Variants in VPS45 observed in about 807,000 individuals in gnomAD.
VPS45 encodes the protein vacuolar protein sorting 45 homolog.
In VPS45, 35 loss-of-function variants were observed where a neutral mutation model predicts 75.9. The ratio of observed to expected loss-of-function variants is 0.46; its 90% CI spans 0.35 to 0.61. The LOEUF (loss-of-function observed/expected upper bound fraction) is 0.61, where lower values mean the gene tolerates loss of function less well. VPS45 is among the 20% of genes least tolerant of loss of function. The probability of loss-of-function intolerance (pLI) is 0.00; values close to 1 mark genes in which losing one functional copy is unlikely to be tolerated. For missense variants in VPS45, 559 were observed against 685.9 expected (o/e 0.81, Z 2.07); for synonymous variants, 220 against 238.2 (o/e 0.92, Z 0.70).
At chr1:150,078,089 G>A (rs1282788287) in intron 7 of VPS45, among the ~76,000 whole-genome samples, 1 of 152,092 alleles carries the variant, frequency 6.6e-6, no homozygotes, top group Non-Finnish European at 1.5e-5. Flanking sequence ...TACAGCCATT[G>A]CCTTGGTCTA....
At position 150,092,302 on chromosome 1, in the gene VPS45, C is replaced by G. The variant is rs782800718; in HGVS notation, c.1264C>G (p.Leu422Val). The G allele has an allele frequency of 6.2e-7, 1 of 1,613,466 alleles. No individual in the cohort carries two copies. The highest frequency in any genetic ancestry group is 8.5e-7 in the Non-Finnish European group (1 of 1,179,628). ...NKGVSEKYRK[L>V]VSAVVEYGGK... is the part of the protein sequence containing the mutation. ...AAAATTTGCTTCTCTTTCTTAATAGCTCGTGTCTGCAGTTGTTGAATATGG... is the reference window on the plus strand; with the variant it reads ...AAAATTTGCTTCTCTTTCTTAATAGGTCGTGTCTGCAGTTGTTGAATATGG... The change falls in exon 12 of 15, where the codon CTC (leucine) becomes GTC (valine). Residue 422 changes from leucine (L) to valine (V), a missense_variant and splice_region_variant. By Grantham distance (32) the Leu-to-Val change is conservative (BLOSUM62 1). Coordinates refer to ENST00000644510, the MANE Select transcript of VPS45 (RefSeq NM_007259.5).
intron 9 of VPS45, 30 bp downstream of exon 9, chr1:150,082,027 C>T: frequency 7.1e-7 from 1 of 1,410,572 alleles, no homozygotes; most frequent in South Asian, 1.2e-5. Context: ...GAATGACAAA[C>T]ATGTGACAGT....
chr1:150,118,414 TG>T (rs1249084398), intron 14 of VPS45, among the ~76,000 whole-genome samples: 2 of 152,028 alleles, frequency 1.3e-5, no homozygotes, highest in African/African-American at 4.8e-5. Flanking sequence ...AATGACCTTT[TG>T]TTTTTTTGGG....
intron 13 of VPS45, 152 bp from the exon 14 acceptor site, chr1:150,110,344 T>A (rs1657576791): frequency 1.4e-6 from 1 of 705,564 alleles, no homozygotes; most frequent in Non-Finnish European, 2.2e-6. Context: ...TTTCAGATAA[T>A]TGAAACTTTT....
intron 14 of VPS45, among the ~76,000 whole-genome samples, chr1:150,120,149 C>T (rs1414397644): frequency 6.6e-6 from 1 of 152,098 alleles, no homozygotes; most frequent in South Asian, 2.1e-4. Context: ...CAGATTTATT[C>T]TGCATGCAAA....
chr1:150,144,926 C>G lies in VPS45; in HGVS notation c.*130C>G. 6.5e-7 allele frequency: 1 copy of G among 1,546,344 alleles called. No individual in the cohort carries two copies. The highest frequency in any genetic ancestry group is 8.7e-7 in the Non-Finnish European group (1 of 1,150,358). ...TTAGAACTCATCTCCAGGTAGCCCA[C>G]GGATACGTGGTTGGCACAGACACAA... On this transcript the variant is annotated 3_prime_UTR_variant, in exon 15 of 15. Transcript: ENST00000644510.
At chr1:150,090,832 C>T (rs1018075711) in intron 10 of VPS45, among the ~76,000 whole-genome samples, 1 of 152,216 alleles carries the variant, frequency 6.6e-6, no homozygotes, top group Non-Finnish European at 1.5e-5. Context: ...CTTTTTTACA[C>T]AGTGCAATAT....
intron 2 of VPS45, 53 bp downstream of exon 2, chr1:150,068,817 T>G: frequency 6.8e-7 from 1 of 1,461,896 alleles, no homozygotes. Context: ...AACACTCTGA[T>G]CTGAAAGCAT....
intron 13 of VPS45, among the ~76,000 whole-genome samples, chr1:150,096,300 C>A (rs587617896): frequency 6.6e-6 from 1 of 152,170 alleles, no homozygotes; most frequent in African/African-American, 2.4e-5. Context: ...TGGATCATGA[C>A]AAAGGTATTG....
At chr1:150,092,702 T>C (rs1280035336) in intron 12 of VPS45, 1 of 208,854 alleles carries the variant, frequency 4.8e-6, no homozygotes, top group Non-Finnish European at 9.4e-6. Flanking sequence ...TTTTACACCA[T>C]TTGTTTATAA....
At chr1:150,129,344 T>TA (rs1301891673) in intron 14 of VPS45, among the ~76,000 whole-genome samples, 1 of 151,980 alleles carries the variant, frequency 6.6e-6, no homozygotes, top group Non-Finnish European at 1.5e-5. Flanking sequence ...ATTTTTTAAT[T>TA]AAAAAAATAG....
chr1:150,101,958 T>C (rs1553804475), intron 13 of VPS45, among the ~76,000 whole-genome samples: 1 of 151,954 alleles, frequency 6.6e-6, no homozygotes, highest in Non-Finnish European at 1.5e-5. Flanking sequence ...CACATGCAGC[T>C]GGACACGGTG....
At chr1:150,081,851 G>A (rs1655732559) in intron 8 of VPS45, 33 bp from the exon 9 acceptor site, 1 of 1,353,126 alleles carries the variant, frequency 7.4e-7, no homozygotes, top group Admixed American at 1.9e-5. Context: ...CAGACTAGTT[G>A]ATGAAGTGTG....
chr1:150,089,358 A>T (rs934432481), intron 10 of VPS45, among the ~76,000 whole-genome samples: 17 of 152,048 alleles, frequency 1.1e-4, no homozygotes, highest in African/African-American at 3.1e-4. Context: ...AAAATTTTTT[A>T]AAATTTTTAT....
At chr1:150,111,437 C>T (rs1482590403) in intron 14 of VPS45, among the ~76,000 whole-genome samples, 2 of 152,118 alleles carry the variant, frequency 1.3e-5, no homozygotes, top group African/African-American at 4.8e-5. Context: ...TGTGGAAGGC[C>T]TTGAGTGCCA....
At chr1:150,089,915 T>C (rs375663257) in intron 10 of VPS45, among the ~76,000 whole-genome samples, 1 of 152,112 alleles carries the variant, frequency 6.6e-6, no homozygotes, top group African/African-American at 2.4e-5. Flanking sequence ...AGGATGATGG[T>C]AGTGAAATAG....
intron 10 of VPS45, among the ~76,000 whole-genome samples, chr1:150,089,541 T>C (rs981037884): frequency 6.6e-6 from 1 of 152,040 alleles, no homozygotes; most frequent in East Asian, 1.9e-4. Flanking sequence ...TTTGTATTTT[T>C]AGTAGAGAGG....
intron 4 of VPS45, 65 bp downstream of exon 4, chr1:150,076,377 A>C (rs1210325545): frequency 1.1e-5 from 15 of 1,352,874 alleles, no homozygotes; most frequent in Non-Finnish European, 1.5e-5. Flanking sequence ...GAGTCTAAAA[A>C]TAAAAAATAA....
At chr1:150,068,253 A>G (rs1164314198) in intron 1 of VPS45, 6 of 415,418 alleles carry the variant, frequency 1.4e-5, no homozygotes, top group South Asian at 4.7e-5. Context: ...GGATGGGCCT[A>G]CTGTTTCCAC....
Sources: allele counts gnomAD v4.1 joint callset (sites outside exome capture counted in the v4.1 genomes callset), GRCh38; gene constraint gnomAD v4.1.1; transcripts MANE v1.5; gene names NCBI Gene and HGNC (gene_info 2026-07-23, HGNC 2026-07-21).